MLIP: variants seen among roughly 807,000 people sequenced by gnomAD.
MLIP encodes the protein muscular LMNA-interacting protein.
In MLIP, 79 loss-of-function variants were observed where a neutral mutation model predicts 84.8. That is an observed-to-expected ratio of 0.93 (90% CI 0.78 to 1.12). The LOEUF is 1.12. Ranked by LOEUF, MLIP falls within the 50% of genes most tolerant of loss-of-function variation. The pLI is 0.00. For synonymous variants in MLIP, 504 were observed against 463.0 expected, an observed-to-expected ratio of 1.09 and a Z score of -1.14; for missense variants, 1,257 against 1,160.6, an observed-to-expected ratio of 1.08 and a Z score of -1.21.
intron 9 of MLIP, among the ~76,000 whole-genome samples, chr6:54,181,093 G>A (rs907647808): frequency 1.3e-5 from 2 of 152,100 alleles, no homozygotes; most frequent in Non-Finnish European, 1.5e-5. Context: ...ATGCACCCCT[G>A]TGGCAAGTTC....
intron 12 of MLIP, among the ~76,000 whole-genome samples, chr6:54,242,182 G>A (rs1035938721): frequency 1.3e-5 from 2 of 152,146 alleles, no homozygotes; most frequent in African/African-American, 4.8e-5. Flanking sequence ...TGTCCAGAGT[G>A]GGTAGGTGGG....
intron 1 of MLIP, among the ~76,000 whole-genome samples, chr6:54,102,512 C>G (rs1214558010): frequency 6.6e-6 from 1 of 152,072 alleles, no homozygotes; most frequent in East Asian, 1.9e-4. Flanking sequence ...CCTAAAACAT[C>G]CAAAGCTCTG....
chr6:54,217,869 A>G (rs538881600), intron 11 of MLIP: 1 of 985,324 alleles, frequency 1.0e-6, no homozygotes, highest in South Asian at 4.7e-5. Context: ...GGATAGAGTG[A>G]TGTTCATTTT....
intron 1 of MLIP, among the ~76,000 whole-genome samples, chr6:54,079,956 A>G (rs1767031126): frequency 6.6e-6 from 1 of 152,198 alleles, no homozygotes; most frequent in Non-Finnish European, 1.5e-5. Context: ...TTAGAAAGTT[A>G]GTGGAGGTGG....
At chr6:54,230,639 A>T (rs978581700) in intron 11 of MLIP, 75 bp from the exon 12 acceptor site, 13 of 1,336,172 alleles carry the variant, frequency 9.7e-6, no homozygotes, top group Non-Finnish European at 1.2e-5. Flanking sequence ...ACCTATGTCT[A>T]TCGTAGACCT....
chr6:54,105,508 A>G (rs1209659090), intron 1 of MLIP, among the ~76,000 whole-genome samples: 1 of 152,228 alleles, frequency 6.6e-6, no homozygotes, highest in African/African-American at 2.4e-5. Context: ...TACATGCCAC[A>G]TACTACTCTA....
At chr6:54,080,949 C>T (rs1347738350) in intron 1 of MLIP, among the ~76,000 whole-genome samples, 1 of 151,828 alleles carries the variant, frequency 6.6e-6, no homozygotes, top group Non-Finnish European at 1.5e-5. Context: ...TGTCCCCTTC[C>T]CCTCACCATC....
At chr6:54,103,815 A>G (rs1342822965) in intron 1 of MLIP, among the ~76,000 whole-genome samples, 2 of 152,162 alleles carry the variant, frequency 1.3e-5, no homozygotes, top group African/African-American at 4.8e-5. Flanking sequence ...CATTTAGCCT[A>G]TTCTTTATGT....
intron 1 of MLIP, among the ~76,000 whole-genome samples, chr6:54,075,503 G>A (rs973976917): frequency 1.3e-5 from 2 of 152,032 alleles, no homozygotes; most frequent in Non-Finnish European, 2.9e-5. Context: ...ATATGAGTCT[G>A]TTAAATATTG....
rs58779855 is a variant in MLIP, at chr6:54,218,253, C to G, written c.2719-12461C>G. 6.1e-3 allele frequency among the ~76,000 whole-genome samples: 929 copies of G among 152,290 alleles called. 14 individuals are homozygous for G. Among genetic ancestry groups the G allele is most frequent in the African/African-American group, 0.021 (879 of 41,542 alleles). ...GGTATAGGCTATTACTGCTGGGCTA[C>G]AAACCTGTACAGCATATTACTGTAC... On this transcript the variant is annotated intron_variant, in intron 11 of 13. Coordinates refer to ENST00000502396, the MANE Select transcript of MLIP (RefSeq NM_001281747.2).
chr6:54,019,911 T>C (rs1763402934), intron 1 of MLIP, among the ~76,000 whole-genome samples: 3 of 152,180 alleles, frequency 2.0e-5, no homozygotes, highest in African/African-American at 7.2e-5. Flanking sequence ...CCATACTGGG[T>C]TGAAAACTCT....
At chr6:54,193,293 C>T (rs907948919) in intron 10 of MLIP, among the ~76,000 whole-genome samples, 1 of 152,092 alleles carries the variant, frequency 6.6e-6, no homozygotes, top group African/African-American at 2.4e-5. Flanking sequence ...ATTGGAATAA[C>T]GACTCTGTCA....
At chr6:54,108,043 G>A (rs1468476037), upstream of MLIP, among the ~76,000 whole-genome samples, 2 of 152,110 alleles carry the variant, frequency 1.3e-5, no homozygotes, top group African/African-American at 2.4e-5. Context: ...AATATCTTAA[G>A]AGTCTTTCAG....
chr6:54,231,418 C>A (rs574758060), intron 12 of MLIP, among the ~76,000 whole-genome samples: 1 of 151,960 alleles, frequency 6.6e-6, no homozygotes, highest in East Asian at 1.9e-4. Context: ...TGTATAGTAA[C>A]GCGATGTGTA....
intron 4 of MLIP, among the ~76,000 whole-genome samples, chr6:54,140,245 A>G (rs816373): frequency 0.45 from 68,206 of 151,902 alleles, 17,088 homozygotes; most frequent in African/African-American, 0.68. Context: ...GTGTTTCACC[A>G]CACTTTATGT....
intron 9 of MLIP, among the ~76,000 whole-genome samples, chr6:54,169,895 A>G (rs1775598781): frequency 6.6e-6 from 1 of 151,742 alleles, no homozygotes; most frequent in Non-Finnish European, 1.5e-5. Context: ...ATGCTTATAG[A>G]ATAGTCAACT....
At chr6:54,171,112 A>T (rs1338897499) in intron 9 of MLIP, among the ~76,000 whole-genome samples, 3 of 151,524 alleles carry the variant, frequency 2.0e-5, no homozygotes, top group Admixed American at 6.6e-5. Flanking sequence ...CCTCTCTGGG[A>T]GGGGTTAATT....
intron 12 of MLIP, among the ~76,000 whole-genome samples, chr6:54,238,800 G>A (rs554112340): frequency 2.8e-4 from 42 of 152,156 alleles, no homozygotes; most frequent in Non-Finnish European, 5.0e-4. Context: ...CCATCCTTGA[G>A]GATATTTTTT....
At chr6:54,085,279 T>C (rs769000902) in intron 1 of MLIP, among the ~76,000 whole-genome samples, 4 of 152,210 alleles carry the variant, frequency 2.6e-5, no homozygotes, top group Non-Finnish European at 5.9e-5. Flanking sequence ...TAGTTAAGAC[T>C]GCAGTGCTAT....
Sources: gnomAD v4.1 joint callset for allele counts (sites outside exome capture counted in the v4.1 genomes callset) on GRCh38, gnomAD v4.1.1 for gene constraint, MANE v1.5 for transcripts, NCBI Gene and HGNC (gene_info 2026-07-23, HGNC 2026-07-21) for gene names.